The following TENM3 variants were observed in gnomAD, a reference collection of about 807,000 sequenced individuals.
TENM3 encodes the protein teneurin transmembrane protein 3.
In TENM3, 63 loss-of-function variants were observed where a neutral mutation model predicts 255.1. The observed-to-expected ratio is 0.25, with a 90% CI of 0.20 to 0.30. The LOEUF (loss-of-function observed/expected upper bound fraction) is 0.30. Ranked by LOEUF, TENM3 falls within the 10% of genes least tolerant of loss-of-function variation. TENM3 has a pLI of 1.00. For synonymous variants in TENM3, 1,306 were observed against 1,322.3 expected, an observed-to-expected ratio of 0.99 and a Z score of 0.27; for missense variants, 2,929 against 3,461.1, an observed-to-expected ratio of 0.85 and a Z score of 3.86.
At chr4:182,262,088 A>G (rs1217366538) in intron 1 of TENM3, among the ~76,000 whole-genome samples, 1 of 152,162 alleles carries the variant, frequency 6.6e-6, no homozygotes, top group Non-Finnish European at 1.5e-5. Flanking sequence ...CTGTTTCCGG[A>G]TATGGATGTG....
chr4:182,502,637 A>G (rs73003020), intron 3 of TENM3, among the ~76,000 whole-genome samples: 103 of 152,110 alleles, frequency 6.8e-4, no homozygotes, highest in African/African-American at 2.4e-3. Context: ...TTGTCATAAC[A>G]TGCTGGTTTT....
At chr4:181,941,622 G>A in the TENM3 span, among the ~76,000 whole-genome samples, 4 of 152,082 alleles carry the variant, frequency 2.6e-5, no homozygotes, top group Middle Eastern at 3.2e-3. Context: ...CTTACATTAT[G>A]TCAATGACTT....
At chr4:181,834,025 A>G in the TENM3 span, among the ~76,000 whole-genome samples, 8 of 152,162 alleles carry the variant, frequency 5.3e-5, no homozygotes, top group Non-Finnish European at 1.0e-4. Flanking sequence ...TTTTAAGGAA[A>G]AGACCAATTG....
chr4:181,959,361 T>C, the TENM3 span, among the ~76,000 whole-genome samples: 1 of 152,290 alleles, frequency 6.6e-6, no homozygotes, highest in East Asian at 1.9e-4. Flanking sequence ...GGGCAGCCTC[T>C]GTTTGGATAA....
the TENM3 span, among the ~76,000 whole-genome samples, chr4:182,132,471 C>T: frequency 3.4e-4 from 52 of 151,806 alleles, no homozygotes; most frequent in Non-Finnish European, 5.7e-4. Flanking sequence ...GCCTGGGCAA[C>T]AGAGCGAGAA....
At chr4:182,051,394 T>G in the TENM3 span, among the ~76,000 whole-genome samples, 10 of 115,090 alleles carry the variant, frequency 8.7e-5, no homozygotes, top group Non-Finnish European at 1.6e-4. Flanking sequence ...TTTTTTTTTT[T>G]GGAGATGGAG....
chr4:181,836,502 A>G, the TENM3 span, among the ~76,000 whole-genome samples: 1 of 152,120 alleles, frequency 6.6e-6, no homozygotes, highest in African/African-American at 2.4e-5. Context: ...TTCTTTTTTC[A>G]TATGAATGAC....
chr4:182,543,444 T>TA (rs750910434), intron 3 of TENM3, among the ~76,000 whole-genome samples: 10 of 152,218 alleles, frequency 6.6e-5, no homozygotes, highest in Admixed American at 2.6e-4. Flanking sequence ...TTAGCTGTAT[T>TA]ACCAGTTGTT....
At chr4:181,523,486 G>A in the TENM3 span, among the ~76,000 whole-genome samples, 1 of 152,012 alleles carries the variant, frequency 6.6e-6, no homozygotes, top group Non-Finnish European at 1.5e-5. Context: ...GAGGGTCAGG[G>A]ACAGTGAAAG....
the TENM3 span, among the ~76,000 whole-genome samples, chr4:182,136,362 G>A: frequency 7.9e-5 from 12 of 151,866 alleles, no homozygotes; most frequent in Non-Finnish European, 1.3e-4. Context: ...TGCTATTGTT[G>A]TTCTTTTTTC....
At chr4:182,621,453 G>A (rs1366636726) in intron 4 of TENM3, among the ~76,000 whole-genome samples, 1 of 149,778 alleles carries the variant, frequency 6.7e-6, no homozygotes, top group Non-Finnish European at 1.5e-5. Context: ...CTGAGGAGGG[G>A]TACTTCTGAG....
chr4:182,103,070 T>C, the TENM3 span, among the ~76,000 whole-genome samples: 1 of 152,228 alleles, frequency 6.6e-6, no homozygotes, highest in Non-Finnish European at 1.5e-5. Context: ...AATAATGTTT[T>C]TTACAAGTCT....
At chr4:182,218,807 A>C (rs1236303523) in intron 1 of TENM3, among the ~76,000 whole-genome samples, 1 of 152,258 alleles carries the variant, frequency 6.6e-6, no homozygotes, top group Admixed American at 6.5e-5. Flanking sequence ...AGAATCATGA[A>C]AATTTGATAG....
At chr4:182,007,899 G>T in the TENM3 span, among the ~76,000 whole-genome samples, 2 of 152,216 alleles carry the variant, frequency 1.3e-5, no homozygotes, top group African/African-American at 4.8e-5. Context: ...TCTTTCAGGA[G>T]CTCTTGCAGG....
intron 1 of TENM3, among the ~76,000 whole-genome samples, chr4:182,188,688 C>T (rs1465952847): frequency 6.6e-6 from 1 of 152,174 alleles, no homozygotes; most frequent in Non-Finnish European, 1.5e-5. Flanking sequence ...GACAGTATCA[C>T]ATGGTCCGGG....
chr4:181,990,981 GA>G, the TENM3 span, among the ~76,000 whole-genome samples: 21 of 151,960 alleles, frequency 1.4e-4, no homozygotes, highest in African/African-American at 4.6e-4. Context: ...CATAAATTTA[GA>G]AAAAAACCAA....
chr4:181,479,036 A>G, the TENM3 span, among the ~76,000 whole-genome samples: 1 of 152,208 alleles, frequency 6.6e-6, no homozygotes, highest in Admixed American at 6.5e-5. Context: ...AAACATTCAG[A>G]ATTTGACTCA....
intron 1 of TENM3, among the ~76,000 whole-genome samples, chr4:182,243,707 AAC>A (rs1171149387): frequency 6.6e-6 from 1 of 152,214 alleles, no homozygotes; most frequent in African/African-American, 2.4e-5. Context: ...GCTTGAAATG[AAC>A]ACACCAAAAA....
At chr4:182,671,798 A>T (rs1755236707) in intron 6 of TENM3, among the ~76,000 whole-genome samples, 1 of 152,206 alleles carries the variant, frequency 6.6e-6, no homozygotes, top group South Asian at 2.1e-4. Flanking sequence ...TACAGCTCAG[A>T]CTTAAAATCA....
Sources: gnomAD v4.1 joint callset for allele counts (sites outside exome capture counted in the v4.1 genomes callset) on GRCh38, gnomAD v4.1.1 for gene constraint, MANE v1.5 for transcripts, NCBI Gene and HGNC (gene_info 2026-07-23, HGNC 2026-07-21) for gene names.